The following TENM1 variants were observed in gnomAD, a reference collection of about 807,000 sequenced individuals.
TENM1 encodes teneurin transmembrane protein 1.
TENM1 carries 35 observed loss-of-function variants against 174.8 expected under a neutral mutation model. The ratio of observed to expected loss-of-function variants is 0.20; its 90% CI spans 0.15 to 0.27. The LOEUF (loss-of-function observed/expected upper bound fraction) is 0.27. Ranked by LOEUF, TENM1 falls within the 10% of genes least tolerant of loss-of-function variation. The pLI is 1.00. For synonymous variants in TENM1, 781 were observed against 798.7 expected (o/e 0.98, Z 0.37); for missense variants, 1,633 against 2,130.1 (o/e 0.77, Z 4.59).
chrX:124,394,680 T>C (rs1366064165), intron 27 of TENM1, among the ~76,000 whole-genome samples: 1 of 112,688 alleles, frequency 8.9e-6, no homozygotes, highest in African/African-American at 3.2e-5. Flanking sequence ...AAAATCACTG[T>C]TAACACTTCA....
At chrX:124,963,289 T>C (rs1050489521) in intron 1 of TENM1, among the ~76,000 whole-genome samples, 1 of 112,478 alleles carries the variant, frequency 8.9e-6, no homozygotes. Flanking sequence ...ATTTGTAGGA[T>C]TACACAAATT....
At chrX:125,098,548 G>A in the TENM1 span, among the ~76,000 whole-genome samples, 1 of 112,148 alleles carries the variant, frequency 8.9e-6, no homozygotes, top group East Asian at 2.8e-4. Flanking sequence ...TTCTTTTCAA[G>A]TTCATAAGGT....
chrX:124,660,986 T>C (rs2051585970), intron 6 of TENM1, among the ~76,000 whole-genome samples: 1 of 112,167 alleles, frequency 8.9e-6, no homozygotes, highest in African/African-American at 3.2e-5. Context: ...CCACAAAAGA[T>C]CTATCAACTA....
the TENM1 span, among the ~76,000 whole-genome samples, chrX:125,148,465 C>T: frequency 9.0e-6 from 1 of 111,388 alleles, no homozygotes; most frequent in East Asian, 2.8e-4. Flanking sequence ...CCCCCTACAC[C>T]GAGTTATTCC....
chrX:124,909,095 G>A (rs1302600414), intron 1 of TENM1, among the ~76,000 whole-genome samples: 3 of 112,099 alleles, frequency 2.7e-5, no homozygotes, highest in African/African-American at 9.7e-5. Context: ...CTGACCTCAG[G>A]TGATATGCCC....
At chrX:124,479,535 C>T (rs1199031221) in intron 22 of TENM1, among the ~76,000 whole-genome samples, 1 of 111,437 alleles carries the variant, frequency 9.0e-6, no homozygotes, top group Non-Finnish European at 1.9e-5. Context: ...TCATTACTGA[C>T]GCTTCAAGAG....
Position 124,422,772 on chromosome X carries a change from C to T in TENM1, c.4105-134G>A, listed in dbSNP as rs5911838. ...AATTTTAGCAACATTGGTGATGTCT[C>T]GGAAAGTGGAGGGCAGGGGGAGGAT... On this transcript the variant is annotated intron_variant, in intron 23 of 31. Transcript: ENST00000422452. 73,672 of 593,341 alleles carry T rather than the reference C, an allele frequency of 0.12. 3,774 individuals carry two copies. Among genetic ancestry groups the T allele is most frequent in the Middle Eastern group, 0.17 (461 of 2,764 alleles). 48.9% of individuals were successfully genotyped at this position (593,341 alleles called of 1,213,427 possible). A position where few individuals can be genotyped will look rare whatever the true frequency, so the allele number is the denominator to read the frequency against.
chrX:124,855,652 C>T lies in TENM1; in HGVS notation c.535+38644G>A, dbSNP rs772211705. Among the ~76,000 whole-genome samples, 3 of 111,295 alleles carry T rather than the reference C, an allele frequency of 2.7e-5. No homozygotes were observed. In the South Asian group the frequency reaches 1.1e-3, roughly 42 times the overall value. On this transcript the variant is annotated intron_variant, in intron 3 of 31. Coordinates refer to ENST00000422452, the Ensembl canonical transcript of TENM1. ...TGCTTGATCTTCATTTTGCAATCTA[C>T]AATTAAGTTCTCTGAAAGTGCAGGG...
At chrX:124,517,344 T>C (rs2047728669) in intron 18 of TENM1, among the ~76,000 whole-genome samples, 1 of 110,400 alleles carries the variant, frequency 9.1e-6, no homozygotes, top group African/African-American at 3.3e-5. Context: ...ATCATGCTGC[T>C]ATAAAGACAC....
chrX:124,787,671 C>T (rs1251575465), intron 3 of TENM1, among the ~76,000 whole-genome samples: 1 of 111,895 alleles, frequency 8.9e-6, no homozygotes, highest in Non-Finnish European at 1.9e-5. Flanking sequence ...CTATTATTTT[C>T]TAAGATTAGA....
At chrX:124,655,168 G>A (rs1047544439) in intron 6 of TENM1, among the ~76,000 whole-genome samples, 8 of 111,644 alleles carry the variant, frequency 7.2e-5, no homozygotes, top group African/African-American at 2.3e-4. Flanking sequence ...AAGTGTTGGG[G>A]CCAATGGAGG....
At chrX:124,551,102 A>C (rs951862196) in intron 14 of TENM1, among the ~76,000 whole-genome samples, 2 of 112,662 alleles carry the variant, frequency 1.8e-5, no homozygotes, top group African/African-American at 6.5e-5. Context: ...CAATCTGTAG[A>C]ATCCTAGACA....
At chrX:124,858,276 CCCT>C (rs971529215) in intron 3 of TENM1, among the ~76,000 whole-genome samples, 1 of 112,159 alleles carries the variant, frequency 8.9e-6, no homozygotes, top group Non-Finnish European at 1.9e-5. Context: ...ATCTTCCAGA[CCCT>C]TCAAATGACT....
chrX:124,444,282 T>C (rs1321820677), intron 23 of TENM1, among the ~76,000 whole-genome samples: 2 of 112,161 alleles, frequency 1.8e-5, no homozygotes, highest in African/African-American at 6.5e-5. Flanking sequence ...GAATAGAGAC[T>C]AAGGCAGGAC....
chrX:124,569,287 A>G (rs949783732), intron 11 of TENM1, among the ~76,000 whole-genome samples: 2 of 110,966 alleles, frequency 1.8e-5, no homozygotes, highest in African/African-American at 6.5e-5. Context: ...GAAAGGGAAA[A>G]GGACAAATTC....
the TENM1 span, among the ~76,000 whole-genome samples, chrX:125,058,792 G>A: frequency 4.8e-4 from 53 of 110,560 alleles, no homozygotes; most frequent in East Asian, 0.011. Context: ...TGCAGACTGG[G>A]GTGAGAGTGA....
chrX:124,711,982 G>A (rs1189529662), intron 4 of TENM1, among the ~76,000 whole-genome samples: 1 of 111,704 alleles, frequency 9.0e-6, no homozygotes, highest in East Asian at 2.8e-4. Context: ...TTAACATAAC[G>A]TCCTCCAAGT....
rs372699344 is a variant in TENM1 at position 124,729,920 on chromosome X, G to A, written c.776+7037C>T. On this transcript the variant is annotated intron_variant, in intron 4 of 31. Coordinates refer to ENST00000422452, the Ensembl canonical transcript of TENM1. Reference sequence around the variant, plus strand: ...TGCCCAGGCTGGAGTGCAGTGGCGCGATCTCGGCTCACTGCAACCTCTGAA... The same window carrying A: ...TGCCCAGGCTGGAGTGCAGTGGCGCAATCTCGGCTCACTGCAACCTCTGAA... 1.1e-4 allele frequency among the ~76,000 whole-genome samples: 12 copies of A among 111,230 alleles called. No homozygotes were observed. In the East Asian group the frequency reaches 1.4e-3, roughly 13 times the overall value.
At chrX:124,431,560 G>GT (rs2060779190) in intron 23 of TENM1, among the ~76,000 whole-genome samples, 1 of 111,938 alleles carries the variant, frequency 8.9e-6, no homozygotes, top group African/African-American at 3.2e-5. Context: ...CTTTTTGTCA[G>GT]TTTTCAAATG....
Sources: allele counts gnomAD v4.1 joint callset (sites outside exome capture counted in the v4.1 genomes callset), GRCh38; gene constraint gnomAD v4.1.1; transcripts MANE v1.5; gene names NCBI Gene and HGNC (gene_info 2026-07-23, HGNC 2026-07-21).